The following MAP3K7 variants were observed in gnomAD, a reference collection of about 807,000 sequenced individuals.
MAP3K7 encodes the protein mitogen-activated protein kinase kinase kinase 7, also known as TGF-beta activated kinase 1.
Under a neutral mutation model 84.8 loss-of-function variants are expected in MAP3K7, and 21 were observed. The observed-to-expected ratio is 0.25, with a 90% CI of 0.18 to 0.36. The LOEUF (loss-of-function observed/expected upper bound fraction) is 0.36, where lower values mean the gene tolerates loss of function less well. Among genes scored for constraint, MAP3K7 ranks in the 10% least tolerant of loss-of-function variants. MAP3K7 has a pLI of 1.00. For missense variants in MAP3K7, 503 were observed against 747.7 expected, an observed-to-expected ratio of 0.67 and a Z score of 3.82; for synonymous variants, 241 against 247.7, an observed-to-expected ratio of 0.97 and a Z score of 0.25.
intron 5 of MAP3K7, 88 bp downstream of exon 5, chr6:90,559,988 T>C (rs1471731499): frequency 1.4e-6 from 2 of 1,457,040 alleles, no homozygotes; most frequent in African/African-American, 1.4e-5. Flanking sequence ...TGTACAATAA[T>C]GAGCTTGAAT....
intron 12 of MAP3K7, among the ~76,000 whole-genome samples, chr6:90,543,814 C>G (rs368988723): frequency 1.3e-5 from 2 of 151,892 alleles, no homozygotes; most frequent in East Asian, 1.9e-4. Flanking sequence ...GGTCAATATG[C>G]CATTTAAGTT....
chr6:90,551,648 G>GT (rs1326127403), intron 8 of MAP3K7: 1 of 154,118 alleles, frequency 6.5e-6, no homozygotes, highest in African/African-American at 2.4e-5. Flanking sequence ...ATGAAAATTG[G>GT]TATCAGAAAA....
chr6:90,571,843 A>T, intron 1 of MAP3K7, 36 bp from the exon 2 acceptor site: 1 of 1,224,440 alleles, frequency 8.2e-7, no homozygotes, highest in Non-Finnish European at 1.2e-6. Context: ...CAAACAAAAA[A>T]CACCACAAGA....
chr6:90,516,484 G>A lies in MAP3K7; in HGVS notation c.*17C>T, dbSNP rs752100972. 15 of 1,601,582 alleles carry A rather than the reference G, an allele frequency of 9.4e-6. No homozygotes were observed. Among genetic ancestry groups the A allele is most frequent in the Non-Finnish European group, 1.1e-5 (13 of 1,176,146 alleles). On this transcript the variant is annotated 3_prime_UTR_variant, in exon 17 of 17. Coordinates refer to ENST00000369329, the MANE Select transcript of MAP3K7 (RefSeq NM_145331.3). ...AGTCTTTCTTTGCATATTTCAAAAT[G>A]TAACGGTCCCAGAGAATCATGAAGT...
chr6:90,556,720 G>T, intron 5 of MAP3K7, 96 bp from the exon 6 acceptor site: 1 of 1,246,976 alleles, frequency 8.0e-7, no homozygotes, highest in Non-Finnish European at 1.1e-6. Context: ...AAAAGGTTAA[G>T]CAAAATGAAT....
intron 4 of MAP3K7, 95 bp downstream of exon 4, chr6:90,561,527 C>A (rs1204594346): frequency 6.8e-6 from 6 of 884,060 alleles, no homozygotes; most frequent in African/African-American, 1.7e-5. Context: ...ACTCTGACGG[C>A]AAATTGTGAA....
chr6:90,553,607 A>G (rs767322762), intron 6 of MAP3K7, 21 bp from the exon 7 acceptor site: 9 of 1,591,386 alleles, frequency 5.7e-6, no homozygotes, highest in South Asian at 3.5e-5. Flanking sequence ...AAAAGGTAGT[A>G]TATAACCTAA....
In MAP3K7 at chr6:90,515,555, A is replaced by G. The variant is rs972933450; in HGVS notation, c.*946T>C. 8.6e-4 allele frequency: 69 copies of G among 80,378 alleles called. No individual in the cohort carries two copies. The highest frequency in any genetic ancestry group is 3.5e-3 in the African/African-American group (66 of 18,814). 5.0% of individuals were successfully genotyped at this position (80,378 alleles called of 1,614,324 possible). ...GTTTATTTCTCATTTGGTATCATAA[A>G]AAGAAATCTAAGTCCAAGCTTTTTT... is the stretch of plus-strand genomic sequence containing the variant. On this transcript the variant is annotated 3_prime_UTR_variant, in exon 17 of 17. Coordinates refer to ENST00000369329, the MANE Select transcript of MAP3K7 (RefSeq NM_145331.3).
rs115860605 is a variant in MAP3K7 at position 90,585,322 on chromosome 6, C to A, written c.120+1442G>T. Among the ~76,000 whole-genome samples the A allele has an allele frequency of 4.7e-3, 711 of 152,170 alleles. 7 individuals are homozygous for A. The highest frequency in any genetic ancestry group is 0.016 in the African/African-American group (671 of 41,488). Reference sequence around the variant, plus strand: ...TCTAAAGTTACTTTATGTGATAAAACATATATAATTCAGTAATCCATTACT... The same window carrying A: ...TCTAAAGTTACTTTATGTGATAAAAAATATATAATTCAGTAATCCATTACT... On this transcript the variant is annotated intron_variant, in intron 1 of 16. Transcript: ENST00000369329.
At chr6:90,530,439 C>T (rs1462500840) in intron 13 of MAP3K7, among the ~76,000 whole-genome samples, 1 of 152,106 alleles carries the variant, frequency 6.6e-6, no homozygotes, top group African/African-American at 2.4e-5. Context: ...CAAAATGATT[C>T]TTTGCTACAC....
At chr6:90,584,940 T>TA (rs559052719) in intron 1 of MAP3K7, among the ~76,000 whole-genome samples, 16 of 151,200 alleles carry the variant, frequency 1.1e-4, no homozygotes, top group African/African-American at 2.7e-4. Flanking sequence ...AGCCTCAATG[T>TA]AAAAAAAAAG....
intron 14 of MAP3K7, among the ~76,000 whole-genome samples, chr6:90,519,982 A>G (rs1248798732): frequency 6.6e-6 from 1 of 152,046 alleles, no homozygotes; most frequent in African/African-American, 2.4e-5. Context: ...AATTCAAACA[A>G]TCAGTCAATT....
At chr6:90,566,929 C>T (rs891133475) in intron 3 of MAP3K7, among the ~76,000 whole-genome samples, 1 of 152,150 alleles carries the variant, frequency 6.6e-6, no homozygotes, top group African/African-American at 2.4e-5. Context: ...ACCATCTGAT[C>T]TTTGACAAAC....
In MAP3K7 at chr6:90,538,228, T is replaced by C. The variant is rs371020672; in HGVS notation, c.1292-1827A>G. 6.6e-5 allele frequency among the ~76,000 whole-genome samples: 10 copies of C among 152,058 alleles called. No homozygotes were observed. The East Asian group carries it at 1.9e-3, about 29-fold the overall frequency. ...AGGATTGCAATCAACAAATACTTGT[T>C]GCTCCAATATTAAATTTTAAGTCAT... is the stretch of plus-strand genomic sequence containing the variant. On this transcript the variant is annotated intron_variant, in intron 12 of 16. Coordinates refer to ENST00000369329, the MANE Select transcript of MAP3K7 (RefSeq NM_145331.3).
chr6:90,530,449 C>T (rs1775471052), intron 13 of MAP3K7, among the ~76,000 whole-genome samples: 1 of 152,136 alleles, frequency 6.6e-6, no homozygotes, highest in African/African-American at 2.4e-5. Context: ...CTTTGCTACA[C>T]CTTTCTTTTC....
chr6:90,575,593 A>T lies in MAP3K7; in HGVS notation c.121-3786T>A, dbSNP rs1244047035. 2.0e-5 allele frequency among the ~76,000 whole-genome samples: 3 copies of T among 152,058 alleles called. No individual in the cohort carries two copies. The East Asian group carries it at 5.8e-4, about 29-fold the overall frequency. The stretch of plus-strand genomic sequence containing the variant: ...GAAGCAAAAAGCAAGCTAACTGAGA[A>T]GTAAGGAGTCTTCTGATTGCAGGAA... On this transcript the variant is annotated intron_variant, in intron 1 of 16. Coordinates refer to ENST00000369329, the MANE Select transcript of MAP3K7 (RefSeq NM_145331.3).
chr6:90,550,086 A>G (rs1452793941), intron 9 of MAP3K7, among the ~76,000 whole-genome samples: 1 of 152,204 alleles, frequency 6.6e-6, no homozygotes, highest in Non-Finnish European at 1.5e-5. Context: ...GCCTCTGTAG[A>G]AGAGAACAAA....
chr6:90,574,218 G>A (rs1348035383), intron 1 of MAP3K7, among the ~76,000 whole-genome samples: 1 of 152,156 alleles, frequency 6.6e-6, no homozygotes, highest in Non-Finnish European at 1.5e-5. Flanking sequence ...AGAACAGTAA[G>A]TGCTTGGAAT....
Position 90,587,069 on chromosome 6 carries a change from C to G in MAP3K7, c.-186G>C. The stretch of plus-strand genomic sequence containing the variant: ...CCGGCTCTGGCTCCGCTGCGTTTTC[C>G]GCCGACGGGCCCCGCCCACTACACT... On this transcript the variant is annotated 5_prime_UTR_variant, in exon 1 of 17. Transcript: ENST00000369329. 1 of 612,426 alleles carries G rather than the reference C, an allele frequency of 1.6e-6. No homozygotes were observed. 37.9% of individuals were successfully genotyped at this position (612,426 alleles called of 1,614,324 possible).
Sources: allele counts gnomAD v4.1 joint callset (sites outside exome capture counted in the v4.1 genomes callset), GRCh38; gene constraint gnomAD v4.1.1; transcripts MANE v1.5; gene names NCBI Gene and HGNC (gene_info 2026-07-23, HGNC 2026-07-21).